The following TRIP12 variants were observed in gnomAD, a reference collection of about 807,000 sequenced individuals.
The protein encoded by TRIP12 is E3 ubiquitin-protein ligase TRIP12.
Under a neutral mutation model 244.2 loss-of-function variants are expected in TRIP12, and 25 were observed. That is an observed-to-expected ratio of 0.10 (90% CI 0.07 to 0.14). The LOEUF (loss-of-function observed/expected upper bound fraction) is 0.14. Ranked by LOEUF, TRIP12 falls within the 10% of genes least tolerant of loss-of-function variation. The pLI, the probability that TRIP12 is intolerant of heterozygous loss-of-function variation, is 1.00. For missense variants in TRIP12, 1,677 were observed against 2,486.4 expected (o/e 0.67, Z 6.92); for synonymous variants, 905 against 873.1 (o/e 1.04, Z -0.64).
At chr2:229,770,962 C>T (rs533012700) in intron 39 of TRIP12, among the ~76,000 whole-genome samples, 14 of 152,140 alleles carry the variant, frequency 9.2e-5, no homozygotes, top group Non-Finnish European at 1.8e-4. Flanking sequence ...TGCCCAGTCT[C>T]GGTTATGTCT....
At chr2:229,771,426 T>C in intron 39 of TRIP12, 93 bp downstream of exon 39, 1 of 1,086,136 alleles carries the variant, frequency 9.2e-7, no homozygotes, top group Non-Finnish European at 1.3e-6. Flanking sequence ...TTTTTTTGTT[T>C]TTGTGCAACA....
At chr2:229,792,484 G>A (rs1318200377) in intron 27 of TRIP12, among the ~76,000 whole-genome samples, 2 of 152,154 alleles carry the variant, frequency 1.3e-5, no homozygotes, top group Non-Finnish European at 2.9e-5. Flanking sequence ...TATACATGGC[G>A]TGAAGGTAAT....
In TRIP12 at chr2:229,878,443, T is replaced by A. The variant is rs113529020; in HGVS notation, c.98+1539A>T. Among the ~76,000 whole-genome samples, 905 of 133,354 alleles carry A rather than the reference T, an allele frequency of 6.8e-3. 11 individuals carry two copies. The highest frequency in any genetic ancestry group is 0.021 in the African/African-American group (776 of 36,392). The allele number at this position is 133,354 out of a possible 152,430, so 87.5% of individuals were successfully genotyped here. ...CCAGCCTGGGCGACAGCAACTGTTT[T>A]AAAAAAAAAAAAAAAGAAAACAAAA... On this transcript the variant is annotated intron_variant, in intron 2 of 41. Transcript: ENST00000675903.
intron 1 of TRIP12, among the ~76,000 whole-genome samples, chr2:229,890,125 G>A (rs185131670): frequency 6.8e-6 from 1 of 147,908 alleles, no homozygotes; most frequent in Non-Finnish European, 1.5e-5. Flanking sequence ...TGTCGCCCAG[G>A]CTGGAGTGCA....
At chr2:229,846,462 GT>G (rs375395919) in intron 4 of TRIP12, among the ~76,000 whole-genome samples, 1 of 152,020 alleles carries the variant, frequency 6.6e-6, no homozygotes, top group Non-Finnish European at 1.5e-5. Flanking sequence ...CATGTACATT[GT>G]TTTTTTAGAC....
At chr2:229,791,746 A>G in intron 29 of TRIP12, 120 bp downstream of exon 29, 7 of 1,019,598 alleles carry the variant, frequency 6.9e-6, no homozygotes, top group Non-Finnish European at 8.7e-6. Flanking sequence ...CAGAACTAAA[A>G]TGTGTGATTT....
intron 5 of TRIP12, among the ~76,000 whole-genome samples, chr2:229,837,292 T>A (rs1226307508): frequency 6.6e-6 from 1 of 152,148 alleles, no homozygotes; most frequent in East Asian, 1.9e-4. Context: ...CAGAGAAAAT[T>A]CAATTCGTTT....
At chr2:229,791,072 TG>T in intron 30 of TRIP12, 51 bp downstream of exon 30, 2 of 1,599,782 alleles carry the variant, frequency 1.3e-6, no homozygotes, top group Non-Finnish European at 1.7e-6. Context: ...ATCATGAAAA[TG>T]GGAAGATTGC....
chr2:229,884,236 CT>C (rs200052292), intron 1 of TRIP12, among the ~76,000 whole-genome samples: 5,073 of 123,504 alleles, frequency 0.041, 219 homozygotes, highest in African/African-American at 0.14. Context: ...TTTTTCTTTT[CT>C]TTTTTTTTTT....
chr2:229,835,189 T>C (rs2054489854), intron 6 of TRIP12, among the ~76,000 whole-genome samples: 1 of 152,212 alleles, frequency 6.6e-6, no homozygotes, highest in African/African-American at 2.4e-5. Context: ...CAAAATGTAA[T>C]GAAGTCAGTT....
intron 6 of TRIP12, among the ~76,000 whole-genome samples, chr2:229,834,960 G>A (rs1476023243): frequency 6.6e-6 from 1 of 151,974 alleles, no homozygotes; most frequent in Non-Finnish European, 1.5e-5. Context: ...AGTACTATCC[G>A]AAAACGTTTA....
Position 229,778,514 on chromosome 2 carries a change from C to T in TRIP12, c.5283G>A (p.Lys1761=). 6.2e-7 allele frequency: 1 copy of T among 1,614,068 alleles called. No individual in the cohort carries two copies. The change falls in exon 36 of 42, where the codon AAG becomes AAA. Residue 1761 remains lysine, a synonymous_variant. Transcript: ENST00000675903. The surrounding 1 kb of genome is among the most constrained non-coding windows in gnomAD (Gnocchi z 4.1). The part of the protein sequence containing the change: ...LFALPFGRTA[K]PAHIAKVKMK... ...TCTTAACCTTTGCGATATGAGCTGGCTTTGCTGTCCTACCAAAGGGAAGCG... is the reference window on the plus strand; with the variant it reads ...TCTTAACCTTTGCGATATGAGCTGGTTTTGCTGTCCTACCAAAGGGAAGCG...
rs767255096 is a variant in TRIP12 at position 229,815,260 on chromosome 2, A to AAT, written c.1635+11_1635+12dup. 9 of 1,507,988 alleles carry AAT rather than the reference A, an allele frequency of 6.0e-6. No homozygotes were observed. The South Asian group carries it at 1.0e-4, about 17-fold the overall frequency. The allele number at this position is 1,507,988 out of a possible 1,614,324, so 93.4% of individuals were successfully genotyped here. ...TAAATATACACCATTAAAAAAATAC[A>AAT]ATATATACTTACAATATCAAAATTG... On this transcript the variant is annotated intron_variant, in intron 10 of 41. Coordinates refer to ENST00000675903, the MANE Select transcript of TRIP12 (RefSeq NM_001348323.3).
chr2:229,788,397 G>A (rs2040605368), intron 32 of TRIP12, among the ~76,000 whole-genome samples: 1 of 152,092 alleles, frequency 6.6e-6, no homozygotes, highest in Admixed American at 6.5e-5. Context: ...CTGGTCCCTG[G>A]TGCCAAAAAG....
At chr2:229,808,006 C>T (rs2046310790) in intron 16 of TRIP12, 142 bp from the exon 17 acceptor site, 4 of 942,256 alleles carry the variant, frequency 4.2e-6, no homozygotes, top group Non-Finnish European at 4.6e-6. Context: ...CACTCTGTCG[C>T]CCAGGCTGGA....
Position 229,810,864 on chromosome 2 carries a change from G to C in TRIP12, c.2221+16C>G. The stretch of plus-strand genomic sequence containing the variant: ...AACTTTTCCTGCTTAAAGTAGAACA[G>C]TAAATTTGCACTTACTTTGTTTCAT... On this transcript the variant is annotated intron_variant, in intron 15 of 41. Transcript: ENST00000675903. 1.9e-6 allele frequency: 3 copies of C among 1,612,144 alleles called. No homozygotes were observed. The highest frequency in any genetic ancestry group is 2.5e-6 in the Non-Finnish European group (3 of 1,179,166).
In TRIP12 at chr2:229,765,528, A is replaced by G. The variant is rs2031477423; in HGVS notation, c.*2026T>C. 1 of 152,252 alleles carries G rather than the reference A, an allele frequency of 6.6e-6. No homozygotes were observed. Among genetic ancestry groups the G allele is most frequent in the Non-Finnish European group, 1.5e-5 (1 of 68,044 alleles). 9.4% of individuals were successfully genotyped at this position (152,252 alleles called of 1,614,324 possible). On this transcript the variant is annotated 3_prime_UTR_variant, in exon 42 of 42. Transcript: ENST00000675903. ...AGAGTTTGAGTCAAAATCATCATATATACTTATTAGATGCTGGAATCAATG... is the reference window on the plus strand; with the variant it reads ...AGAGTTTGAGTCAAAATCATCATATGTACTTATTAGATGCTGGAATCAATG...
intron 1 of TRIP12, among the ~76,000 whole-genome samples, chr2:229,920,226 C>T (rs1184969343): frequency 2.0e-5 from 3 of 152,160 alleles, no homozygotes; most frequent in Non-Finnish European, 4.4e-5. Flanking sequence ...AAAGAGGAGA[C>T]TCTGAGACTC....
intron 13 of TRIP12, among the ~76,000 whole-genome samples, chr2:229,813,543 G>T (rs2047772387): frequency 6.6e-6 from 1 of 152,174 alleles, no homozygotes; most frequent in East Asian, 1.9e-4. Context: ...CAGCACTATG[G>T]GGGGCTGAGG....
Sources: allele counts gnomAD v4.1 joint callset (sites outside exome capture counted in the v4.1 genomes callset), GRCh38; gene constraint gnomAD v4.1.1; non-coding constraint Gnocchi (gnomAD v3.1); transcripts MANE v1.5; gene names NCBI Gene and HGNC (gene_info 2026-07-23, HGNC 2026-07-21).